Variants in MYO9A observed in about 807,000 individuals in gnomAD.
MYO9A encodes the protein myosin IXA, also known as unconventional myosin-IXa.
Under a neutral mutation model 293.3 loss-of-function variants are expected in MYO9A, and 103 were observed. The ratio of observed to expected loss-of-function variants is 0.35; its 90% CI spans 0.30 to 0.41. MYO9A has a LOEUF of 0.41. MYO9A is among the 10% of genes least tolerant of loss of function. The pLI is 1.00. For missense variants in MYO9A, 2,685 were observed against 3,033.0 expected, an observed-to-expected ratio of 0.89 and a Z score of 2.69; for synonymous variants, 1,001 against 1,035.7, an observed-to-expected ratio of 0.97 and a Z score of 0.64.
chr15:71,983,674 G>C (rs2076339150), intron 11 of MYO9A, among the ~76,000 whole-genome samples: 1 of 150,854 alleles, frequency 6.6e-6, no homozygotes, highest in Non-Finnish European at 1.5e-5. Context: ...GTAGAGTCGG[G>C]GTTTCACCAT....
At chr15:71,992,288 G>A (rs1475504967) in intron 10 of MYO9A, among the ~76,000 whole-genome samples, 1 of 152,078 alleles carries the variant, frequency 6.6e-6, no homozygotes, top group East Asian at 1.9e-4. Flanking sequence ...ACTTCTTACT[G>A]TGGATTTGGC....
At chr15:71,949,546 A>G (rs1486340433) in intron 15 of MYO9A, among the ~76,000 whole-genome samples, 1 of 151,846 alleles carries the variant, frequency 6.6e-6, no homozygotes, top group Non-Finnish European at 1.5e-5. Context: ...TTTTTCCCAC[A>G]CAAGCTAAGC....
intron 40 of MYO9A, 46 bp from the exon 41 acceptor site, chr15:71,828,072 A>G (rs1676905692): frequency 6.3e-7 from 1 of 1,582,322 alleles, no homozygotes; most frequent in African/African-American, 1.4e-5. Flanking sequence ...TAGGAAGTGG[A>G]AGGAAGATAA....
chr15:71,876,288 T>C (rs1218439842), intron 31 of MYO9A, among the ~76,000 whole-genome samples: 6 of 151,536 alleles, frequency 4.0e-5, no homozygotes, highest in Admixed American at 2.0e-4. Context: ...GCTGGTATTA[T>C]AGGCACACAC....
intron 26 of MYO9A, 104 bp from the exon 27 acceptor site, chr15:71,888,220 C>T: frequency 1.7e-6 from 1 of 577,134 alleles, no homozygotes; most frequent in Non-Finnish European, 3.0e-6. Flanking sequence ...TAAAAACACA[C>T]AAAACATTGA....
chr15:71,912,602 C>T (rs1323328740), intron 19 of MYO9A, among the ~76,000 whole-genome samples: 1 of 152,146 alleles, frequency 6.6e-6, no homozygotes, highest in Admixed American at 6.6e-5. Context: ...TATCAATCTG[C>T]CACTATTCAT....
intron 1 of MYO9A, among the ~76,000 whole-genome samples, chr15:72,067,205 G>A (rs1382564137): frequency 2.0e-5 from 3 of 149,382 alleles, no homozygotes; most frequent in Non-Finnish European, 3.0e-5. Flanking sequence ...TATAAATTAA[G>A]ACTGTCTCAA....
At chr15:71,998,874 C>T (rs951028442) in intron 9 of MYO9A, 2 of 152,100 alleles carry the variant, frequency 1.3e-5, no homozygotes, top group Non-Finnish European at 2.9e-5. Flanking sequence ...TGATGATTTC[C>T]AATTTCACCC....
At chr15:71,991,004 A>C in intron 11 of MYO9A, 99 bp downstream of exon 11, 1 of 1,156,898 alleles carries the variant, frequency 8.6e-7, no homozygotes, top group Non-Finnish European at 1.2e-6. Context: ...ACACTATGTA[A>C]ATCAATAAAA....
In MYO9A at chr15:72,077,752, A is replaced by AATATATAT. The variant is rs60977581; in HGVS notation, c.-71-31126_-71-31119dup. On this transcript the variant is annotated intron_variant, in intron 1 of 41. Coordinates refer to ENST00000356056, the MANE Select transcript of MYO9A (RefSeq NM_006901.4). The stretch of plus-strand genomic sequence containing the variant: ...CTCAAAGAAAAAAAAAAAAAAAAAA[A>AATATATAT]ATATATATATATATATATATATATA... Among the ~76,000 whole-genome samples, 8 of 72,460 alleles carry AATATATAT rather than the reference A, an allele frequency of 1.1e-4. No homozygotes were observed. In the East Asian group the frequency reaches 1.7e-3, roughly 15 times the overall value. 47.5% of individuals were successfully genotyped at this position (72,460 alleles called of 152,430 possible).
intron 1 of MYO9A, among the ~76,000 whole-genome samples, chr15:72,053,853 C>A (rs1219115084): frequency 6.6e-6 from 1 of 151,872 alleles, no homozygotes; most frequent in African/African-American, 2.4e-5. Context: ...AGTGAAAAAA[C>A]AGAATAATGA....
chr15:71,862,690 C>T, intron 32 of MYO9A, 79 bp from the exon 33 acceptor site: 1 of 903,036 alleles, frequency 1.1e-6, no homozygotes, highest in Non-Finnish European at 1.8e-6. Flanking sequence ...ATCCTTCAAT[C>T]TCTTGTTAAG....
chr15:71,922,431 A>G (rs1240162190), intron 18 of MYO9A, among the ~76,000 whole-genome samples: 2 of 152,218 alleles, frequency 1.3e-5, no homozygotes, highest in Non-Finnish European at 2.9e-5. Context: ...GGCTAAATAA[A>G]ATATCTCACA....
Position 71,898,989 on chromosome 15 carries a change from C to G in MYO9A, c.3514G>C (p.Glu1172Gln), listed in dbSNP as rs1415230940. The change falls in exon 25 of 42, where the codon GAA (glutamate) becomes CAA (glutamine). Residue 1172 changes from glutamate to glutamine, a missense_variant. By Grantham distance (29) the Glu-to-Gln change is conservative. Around this residue, in one of 10 missense-constraint regions of MYO9A, gnomAD observed 1,434 missense variants for 1,497.7 expected, o/e 0.96. Coordinates refer to ENST00000356056, the MANE Select transcript of MYO9A (RefSeq NM_006901.4). Reference sequence around the variant, plus strand: ...CCCTTAATATTCACCAATCCAACTTCTGGCTTTGTTTCTCTTAGCCTTTGT... The same window carrying G: ...CCCTTAATATTCACCAATCCAACTTGTGGCTTTGTTTCTCTTAGCCTTTGT... ...KEQRLRETKPEVGLVNIKGYG... is the reference protein window; with the variant it reads ...KEQRLRETKPQVGLVNIKGYG... The G allele has an allele frequency of 6.2e-7, 1 of 1,613,016 alleles. No homozygotes were observed. Among genetic ancestry groups the G allele is most frequent in the East Asian group, 2.2e-5 (1 of 44,882 alleles).
chr15:72,109,153 C>T (rs1191470892), intron 1 of MYO9A, among the ~76,000 whole-genome samples: 2 of 151,872 alleles, frequency 1.3e-5, no homozygotes, highest in African/African-American at 4.8e-5. Context: ...TCTGGGAGGC[C>T]GAGGCAGCAG....
At chr15:71,999,097 A>G (rs1224511326) in intron 9 of MYO9A, 1 of 152,210 alleles carries the variant, frequency 6.6e-6, no homozygotes, top group Non-Finnish European at 1.5e-5. Context: ...TAAATGGATC[A>G]ATGTCAAGCT....
rs1446657481 is a variant in MYO9A, at chr15:72,095,121, T to G, written c.-72+22559A>C. On this transcript the variant is annotated intron_variant, in intron 1 of 41. Transcript: ENST00000356056. ...TCTCACTTTAAATCAAAACCTAGAA[T>G]GATTAGGCTTAGTGAGAAAGGCATG... Among the ~76,000 whole-genome samples the G allele has an allele frequency of 3.2e-5, 3 of 92,466 alleles. 1 individual carries two copies. The highest frequency in any genetic ancestry group is 7.7e-5 in the African/African-American group (3 of 39,034). The allele number at this position is 92,466 out of a possible 152,430, so 60.7% of individuals were successfully genotyped here.
Position 71,951,904 on chromosome 15 carries a change from A to AATGGAAACCAG in MYO9A, c.2183-9_2183-8insCTGGTTTCCAT. On this transcript the variant is annotated splice_polypyrimidine_tract_variant and intron_variant, in intron 14 of 41. Coordinates refer to ENST00000356056, the MANE Select transcript of MYO9A (RefSeq NM_006901.4). ...GCGCTGTATCATCATGTCCTTAGGA[A>AATGGAAACCAG]GCAAAAAAAAACAAACAAAAAAAAA... is the stretch of plus-strand genomic sequence containing the variant. 6.4e-7 allele frequency: 1 copy of AATGGAAACCAG among 1,570,056 alleles called. No homozygotes were observed. The highest frequency in any genetic ancestry group is 8.6e-7 in the Non-Finnish European group (1 of 1,167,238).
At chr15:71,931,956 G>A (rs545446490) in intron 18 of MYO9A, among the ~76,000 whole-genome samples, 10 of 152,056 alleles carry the variant, frequency 6.6e-5, no homozygotes, top group South Asian at 6.2e-4. Context: ...GCCAAGTTCC[G>A]TTAGTACCTC....
Sources: allele counts gnomAD v4.1 joint callset (sites outside exome capture counted in the v4.1 genomes callset), GRCh38; gene constraint gnomAD v4.1.1; regional missense constraint gnomAD v4.1.1; transcripts MANE v1.5; gene names NCBI Gene and HGNC (gene_info 2026-07-23, HGNC 2026-07-21).